Variants in NFIX observed in about 807,000 individuals in gnomAD.
NFIX encodes the protein nuclear factor I X.
Under a neutral mutation model 53.3 loss-of-function variants are expected in NFIX, and 2 were observed. The observed-to-expected ratio is 0.04, with a 90% CI of 0.02 to 0.12. The LOEUF (loss-of-function observed/expected upper bound fraction) is 0.12. Ranked by LOEUF, NFIX falls within the 10% of genes least tolerant of loss-of-function variation. The probability of loss-of-function intolerance (pLI) is 1.00; values close to 1 mark genes in which losing one functional copy is unlikely to be tolerated. For missense variants in NFIX, 310 were observed against 674.5 expected (o/e 0.46, Z 5.99); for synonymous variants, 244 against 289.0 (o/e 0.84, Z 1.58).
chr19:13,055,557 C>T (rs949897450), intron 2 of NFIX, among the ~76,000 whole-genome samples: 2 of 152,192 alleles, frequency 1.3e-5, no homozygotes, highest in Non-Finnish European at 2.9e-5. Context: ...AGGAGCCGCC[C>T]CTCACGGGGC....
chr19:13,028,984 C>A lies in NFIX; in HGVS notation c.559+3432C>A, dbSNP rs2013587815. Among the ~76,000 whole-genome samples the A allele has an allele frequency of 6.6e-6, 1 of 152,202 alleles. No individual in the cohort carries two copies. The highest frequency in any genetic ancestry group is 1.5e-5 in the Non-Finnish European group (1 of 68,028). On this transcript the variant is annotated intron_variant, in intron 2 of 10. Transcript: ENST00000592199. This position sits in a 1 kb window ranked among gnomAD's most constrained non-coding sequence, Gnocchi z 4.2. ...TAACAAAATACTTGAGCGAATGGAACTGTCAGCGTCACCCTGTCAGATCCC... is the reference window on the plus strand; with the variant it reads ...TAACAAAATACTTGAGCGAATGGAAATGTCAGCGTCACCCTGTCAGATCCC...
At chr19:13,010,187 G>A (rs1205465951) in intron 1 of NFIX, among the ~76,000 whole-genome samples, 3 of 152,204 alleles carry the variant, frequency 2.0e-5, no homozygotes, top group Non-Finnish European at 4.4e-5. Flanking sequence ...ATCCCGCCTT[G>A]GCCTGCCGGG....
Position 13,048,650 on chromosome 19 carries a change from AG to A in NFIX, c.559+23100del, listed in dbSNP as rs539435239. On this transcript the variant is annotated intron_variant, in intron 2 of 10. Coordinates refer to ENST00000592199, the MANE Select transcript of NFIX (RefSeq NM_001365902.3). Reference sequence around the variant, plus strand: ...CGAGGCAGGAGGATTGCTTGAGGCTAGGAGTTCAAGACCAGCCTGGGCAACA... The same window carrying A: ...CGAGGCAGGAGGATTGCTTGAGGCTAGAGTTCAAGACCAGCCTGGGCAACA... Among the ~76,000 whole-genome samples the A allele has an allele frequency of 6.3e-3, 963 of 152,018 alleles. 9 individuals are homozygous for A. Among genetic ancestry groups the A allele is most frequent in the Non-Finnish European group, 7.6e-3 (518 of 67,952 alleles).
chr19:13,093,461 C>A lies in NFIX; in HGVS notation c.1495-1174C>A, dbSNP rs1287000063. Among the ~76,000 whole-genome samples, 1 of 152,250 alleles carries A rather than the reference C, an allele frequency of 6.6e-6. No homozygotes were observed. Among genetic ancestry groups the A allele is most frequent in the East Asian group, 1.9e-4 (1 of 5,196 alleles). On this transcript the variant is annotated intron_variant, in intron 10 of 10. Coordinates refer to ENST00000592199, the MANE Select transcript of NFIX (RefSeq NM_001365902.3). This position sits in a 1 kb window ranked among gnomAD's most constrained non-coding sequence, Gnocchi z 4.7. ...ACCCTGACCCTAGGCAGGGCACAGG[C>A]ATTCTGGCCACCACAGACCCTGCTT...
At position 13,014,214 on chromosome 19, in the gene NFIX, C is replaced by G. The variant is rs2012532152; in HGVS notation, c.28-10807C>G. ...GGCTTTTTTTTTCTCACCCGCCGTT[C>G]CCTCCGCTCCGGTCTGATTCGCAAA... is the stretch of plus-strand genomic sequence containing the variant. On this transcript the variant is annotated intron_variant, in intron 1 of 10. Transcript: ENST00000592199. This position sits in a 1 kb window ranked among gnomAD's most constrained non-coding sequence, Gnocchi z 4.4. The G allele has an allele frequency of 6.6e-6, 1 of 152,064 alleles. No individual in the cohort carries two copies. Among genetic ancestry groups the G allele is most frequent in the African/African-American group, 2.4e-5 (1 of 41,396 alleles). 9.4% of individuals were successfully genotyped at this position (152,064 alleles called of 1,614,324 possible).
Position 13,028,774 on chromosome 19 carries a change from G to A in NFIX, c.559+3222G>A, listed in dbSNP as rs28588598. Among the ~76,000 whole-genome samples the A allele has an allele frequency of 1.8e-4, 27 of 152,222 alleles. No homozygotes were observed. The highest frequency in any genetic ancestry group is 5.8e-4 in the African/African-American group (24 of 41,534). ...TATCCCAGAACAGGTGGCCAGGGACGGGTGAGCTGGGGAGGGCCAGGAGAG... is the reference window on the plus strand; with the variant it reads ...TATCCCAGAACAGGTGGCCAGGGACAGGTGAGCTGGGGAGGGCCAGGAGAG... On this transcript the variant is annotated intron_variant, in intron 2 of 10. Transcript: ENST00000592199. This position sits in a 1 kb window ranked among gnomAD's most constrained non-coding sequence, Gnocchi z 4.2.
rs1490898314 is a variant in NFIX at position 13,093,800 on chromosome 19, T to C, written c.1495-835T>C. ...TGCACCCAGGCCCAGTAGACCACAG[T>C]AGACCCTGACCCACCACTTTGCCAG... On this transcript the variant is annotated intron_variant, in intron 10 of 10. Transcript: ENST00000592199. This position sits in a 1 kb window ranked among gnomAD's most constrained non-coding sequence, Gnocchi z 4.7. Among the ~76,000 whole-genome samples the C allele has an allele frequency of 6.6e-6, 1 of 152,080 alleles. No homozygotes were observed. The highest frequency in any genetic ancestry group is 1.5e-5 in the Non-Finnish European group (1 of 67,992).
rs574307654 is a variant in NFIX, at chr19:13,091,766, G to A, written c.1494+1376G>A. ...GCTCTGGGCTGGCACCAGGCTTCAGGGTTCCATCGCTCCCTCCCTCCTGCT... is the reference window on the plus strand; with the variant it reads ...GCTCTGGGCTGGCACCAGGCTTCAGAGTTCCATCGCTCCCTCCCTCCTGCT... On this transcript the variant is annotated intron_variant, in intron 10 of 10. Coordinates refer to ENST00000592199, the MANE Select transcript of NFIX (RefSeq NM_001365902.3). Among the ~76,000 whole-genome samples, 183 of 152,322 alleles carry A rather than the reference G, an allele frequency of 1.2e-3. 1 individual carries two copies. The highest frequency in any genetic ancestry group is 4.3e-3 in the African/African-American group (178 of 41,572).
chr19:13,056,148 G>GC (rs2015675371), intron 2 of NFIX, among the ~76,000 whole-genome samples: 1 of 152,186 alleles, frequency 6.6e-6, no homozygotes, highest in South Asian at 2.1e-4. Context: ...CTTTGCTGCC[G>GC]CAGTACCCGC....
At chr19:13,020,937 G>C (rs997659457) in intron 1 of NFIX, among the ~76,000 whole-genome samples, 1 of 152,112 alleles carries the variant, frequency 6.6e-6, no homozygotes, top group Non-Finnish European at 1.5e-5. Context: ...TGTCGAGCAT[G>C]TCTCTTCTAC....
At position 13,020,381 on chromosome 19, in the gene NFIX, C is replaced by T. The variant is rs149252181; in HGVS notation, c.28-4640C>T. Among the ~76,000 whole-genome samples the T allele has an allele frequency of 2.4e-3, 367 of 152,072 alleles. 4 individuals carry two copies. The highest frequency in any genetic ancestry group is 4.2e-3 in the Non-Finnish European group (288 of 68,000). On this transcript the variant is annotated intron_variant, in intron 1 of 10. Transcript: ENST00000592199. ...GGAACCCGAGCAATTCCTCTGTGTG[C>T]GCCCAAAATAGGAGGGGAGGAAGGG...
chr19:13,033,092 A>C (rs1164409413), intron 2 of NFIX, among the ~76,000 whole-genome samples: 1 of 152,068 alleles, frequency 6.6e-6, no homozygotes, highest in Non-Finnish European at 1.5e-5. Context: ...GAGATAGATA[A>C]ATATAGCTGA....
chr19:13,043,637 T>C lies in NFIX; in HGVS notation c.559+18085T>C, dbSNP rs917460374. The stretch of plus-strand genomic sequence containing the variant: ...TGTGGACTGTGGACTTTGACATCAC[T>C]CATAGACACCCCCTCTCTCACCCTT... On this transcript the variant is annotated intron_variant, in intron 2 of 10. Coordinates refer to ENST00000592199, the MANE Select transcript of NFIX (RefSeq NM_001365902.3). The surrounding 1 kb of genome is among the most constrained non-coding windows in gnomAD (Gnocchi z 4.0). Among the ~76,000 whole-genome samples the C allele has an allele frequency of 2.6e-5, 4 of 152,118 alleles. No individual in the cohort carries two copies. Among genetic ancestry groups the C allele is most frequent in the African/African-American group, 9.7e-5 (4 of 41,424 alleles).
At chr19:13,035,364 A>G (rs773917684) in intron 2 of NFIX, among the ~76,000 whole-genome samples, 20 of 152,182 alleles carry the variant, frequency 1.3e-4, no homozygotes, top group Admixed American at 8.5e-4. Context: ...CAAGTCCCCT[A>G]CTGAGTTATT....
At chr19:13,000,581 G>A (rs990491219) in intron 1 of NFIX, among the ~76,000 whole-genome samples, 13 of 151,988 alleles carry the variant, frequency 8.6e-5, no homozygotes, top group African/African-American at 2.2e-4. Flanking sequence ...GGGGAGAGAC[G>A]AGGCCTCCAC....
intron 2 of NFIX, among the ~76,000 whole-genome samples, chr19:13,050,413 G>A (rs1408692395): frequency 6.6e-6 from 1 of 152,184 alleles, no homozygotes; most frequent in South Asian, 2.1e-4. Context: ...CATCCTCTGA[G>A]GCCAGTCCCT....
intron 1 of NFIX, 53 bp downstream of exon 1, chr19:12,995,917 C>G (rs1237561744): frequency 4.6e-6 from 4 of 872,988 alleles, no homozygotes; most frequent in Non-Finnish European, 5.5e-6. Context: ...CGCGGGAGGC[C>G]GGCCGGCGGC....
rs2011716895 is a variant in NFIX at position 13,001,854 on chromosome 19, C to T, written c.27+5990C>T. Among the ~76,000 whole-genome samples the T allele has an allele frequency of 6.6e-6, 1 of 152,236 alleles. No homozygotes were observed. Among genetic ancestry groups the T allele is most frequent in the South Asian group, 2.1e-4 (1 of 4,832 alleles). On this transcript the variant is annotated intron_variant, in intron 1 of 10. Coordinates refer to ENST00000592199, the MANE Select transcript of NFIX (RefSeq NM_001365902.3). The surrounding 1 kb of genome is among the most constrained non-coding windows in gnomAD (Gnocchi z 6.5). ...AGCGGGCTGGCTGCTCAGTCCCTTC[C>T]CATGAGGTTGAGCGGCCGCAGTGGC...
In NFIX at chr19:13,040,768, G is replaced by A. The variant is rs1568283854; in HGVS notation, c.559+15216G>A. 1.3e-5 allele frequency among the ~76,000 whole-genome samples: 2 copies of A among 152,082 alleles called. No homozygotes were observed. Among genetic ancestry groups the A allele is most frequent in the Non-Finnish European group, 2.9e-5 (2 of 68,018 alleles). On this transcript the variant is annotated intron_variant, in intron 2 of 10. Transcript: ENST00000592199. This position sits in a 1 kb window ranked among gnomAD's most constrained non-coding sequence, Gnocchi z 4.2. ...AGGGAGGTTTGTCTTTCACACACTCGCGCACACACACAGCCACTTCTCGAA... is the reference window on the plus strand; with the variant it reads ...AGGGAGGTTTGTCTTTCACACACTCACGCACACACACAGCCACTTCTCGAA...
Sources: allele counts gnomAD v4.1 joint callset (sites outside exome capture counted in the v4.1 genomes callset), GRCh38; gene constraint gnomAD v4.1.1; non-coding constraint Gnocchi (gnomAD v3.1); transcripts MANE v1.5; gene names NCBI Gene and HGNC (gene_info 2026-07-23, HGNC 2026-07-21).